The following CLASP1 variants were observed in gnomAD, a reference collection of about 807,000 sequenced individuals.
The protein encoded by CLASP1 is cytoplasmic linker associated protein 1, also known as CLIP-associating protein 1.
A neutral mutation model predicts 192.3 loss-of-function variants in CLASP1; 38 were observed. That is an observed-to-expected ratio of 0.20 (90% CI 0.15 to 0.26). The LOEUF is 0.26. Ranked by LOEUF, CLASP1 falls within the 10% of genes least tolerant of loss-of-function variation. CLASP1 has a pLI of 1.00. For synonymous variants in CLASP1, 691 were observed against 712.8 expected (o/e 0.97, Z 0.49); for missense variants, 1,433 against 1,932.5 (o/e 0.74, Z 4.85).
chr2:121,555,024 G>A (rs2058411661), intron 2 of CLASP1, among the ~76,000 whole-genome samples: 1 of 152,198 alleles, frequency 6.6e-6, no homozygotes, highest in Non-Finnish European at 1.5e-5. Context: ...ATCGGCTGTT[G>A]TGGAAGAAAG....
At chr2:121,349,065 C>T (rs886955915) in intron 37 of CLASP1, among the ~76,000 whole-genome samples, 6 of 151,972 alleles carry the variant, frequency 3.9e-5, no homozygotes, top group Non-Finnish European at 8.8e-5. Context: ...ACGGTGAGAA[C>T]CCATCTCTAC....
Position 121,503,531 on chromosome 2 carries a change from C to G in CLASP1, c.645-297G>C, listed in dbSNP as rs1030459569. Among the ~76,000 whole-genome samples the G allele has an allele frequency of 3.9e-5, 6 of 152,090 alleles. No individual in the cohort carries two copies. The East Asian group carries it at 1.2e-3, about 29-fold the overall frequency. ...GCCCTGAGAGTAGTAATCCAGAGCC[C>G]CTGCTCTCTGACATTACTGACTACT... On this transcript the variant is annotated intron_variant, in intron 7 of 39. Transcript: ENST00000263710.
chr2:121,485,518 A>G (rs768157791), intron 8 of CLASP1, among the ~76,000 whole-genome samples: 5 of 152,184 alleles, frequency 3.3e-5, no homozygotes, highest in Non-Finnish European at 5.9e-5. Context: ...TTAAGATAGA[A>G]AAGAGGGCCT....
chr2:121,626,796 T>G (rs2068456846), intron 1 of CLASP1, among the ~76,000 whole-genome samples: 1 of 152,266 alleles, frequency 6.6e-6, no homozygotes, highest in Admixed American at 6.5e-5. Flanking sequence ...AGCTCCTTCT[T>G]CTCACCAACA....
intron 9 of CLASP1, among the ~76,000 whole-genome samples, chr2:121,465,047 A>G (rs991774299): frequency 1.2e-4 from 18 of 152,126 alleles, no homozygotes; most frequent in Non-Finnish European, 2.9e-5. Flanking sequence ...TCTATGACAA[A>G]CCCACAGCCA....
intron 30 of CLASP1, among the ~76,000 whole-genome samples, chr2:121,393,385 T>C (rs1410225065): frequency 1.3e-5 from 2 of 152,218 alleles, no homozygotes; most frequent in Admixed American, 6.5e-5. Flanking sequence ...AAATGAAGGA[T>C]GAGGCAGAAC....
chr2:121,361,992 G>A (rs1170361220), intron 37 of CLASP1, among the ~76,000 whole-genome samples: 2 of 152,232 alleles, frequency 1.3e-5, no homozygotes, highest in Non-Finnish European at 2.9e-5. Flanking sequence ...GAGATTTGAA[G>A]AGGTCACATC....
At chr2:121,535,454 C>T (rs1575769673) in intron 2 of CLASP1, among the ~76,000 whole-genome samples, 1 of 151,880 alleles carries the variant, frequency 6.6e-6, no homozygotes, top group African/African-American at 2.4e-5. Flanking sequence ...CCTAAGTGCA[C>T]TGTAAATACA....
At chr2:121,464,708 T>A (rs867008699) in intron 9 of CLASP1, among the ~76,000 whole-genome samples, 1 of 152,166 alleles carries the variant, frequency 6.6e-6, no homozygotes, top group Admixed American at 6.5e-5. Flanking sequence ...GTTTTTTTCT[T>A]GTAAATTTGT....
intron 2 of CLASP1, among the ~76,000 whole-genome samples, chr2:121,595,900 C>A (rs558076553): frequency 3.9e-5 from 6 of 152,298 alleles, no homozygotes; most frequent in Admixed American, 3.9e-4. Context: ...ATTAAAAGCA[C>A]TACATGGGCT....
At chr2:121,608,849 C>T (rs761406592) in intron 1 of CLASP1, among the ~76,000 whole-genome samples, 28 of 152,134 alleles carry the variant, frequency 1.8e-4, no homozygotes, top group Admixed American at 1.8e-3. Flanking sequence ...CTTCAAGGGG[C>T]CTAAAATGAA....
At chr2:121,402,282 T>C (rs2076252302) in intron 26 of CLASP1, among the ~76,000 whole-genome samples, 1 of 152,224 alleles carries the variant, frequency 6.6e-6, no homozygotes, top group Non-Finnish European at 1.5e-5. Flanking sequence ...GAATAAAATA[T>C]ATAAAAATAT....
At chr2:121,348,861 AAC>A (rs1177580528) in intron 37 of CLASP1, 143 bp from the exon 39 acceptor site, 2 of 759,350 alleles carry the variant, frequency 2.6e-6, no homozygotes, top group Non-Finnish European at 4.1e-6. Flanking sequence ...TCAATTGTTA[AAC>A]ACAGAGTGGT....
intron 30 of CLASP1, among the ~76,000 whole-genome samples, chr2:121,388,377 C>G (rs1019148139): frequency 6.6e-6 from 1 of 152,112 alleles, no homozygotes; most frequent in Non-Finnish European, 1.5e-5. Context: ...CATGAGAAAA[C>G]GAGTATAAAT....
At chr2:121,530,395 G>A (rs2094740590) in intron 2 of CLASP1, 70 bp from the exon 3 acceptor site, 15 of 1,282,860 alleles carry the variant, frequency 1.2e-5, no homozygotes, top group Admixed American at 2.0e-5. Context: ...CACCCGCTCC[G>A]GGGAGGCCTA....
At chr2:121,491,155 T>C (rs1324842578) in intron 8 of CLASP1, among the ~76,000 whole-genome samples, 1 of 152,238 alleles carries the variant, frequency 6.6e-6, no homozygotes, top group Middle Eastern at 3.2e-3. Flanking sequence ...GTTGTTTAAG[T>C]GTAAAACCAT....
chr2:121,352,890 G>C (rs979847127), intron 37 of CLASP1, among the ~76,000 whole-genome samples: 2 of 151,968 alleles, frequency 1.3e-5, no homozygotes, highest in African/African-American at 4.8e-5. Context: ...CTGGCCTCAA[G>C]TGATCCACCC....
At chr2:121,417,367 A>G (rs1295170507) in intron 23 of CLASP1, among the ~76,000 whole-genome samples, 5 of 152,168 alleles carry the variant, frequency 3.3e-5, no homozygotes, top group Admixed American at 2.6e-4. Flanking sequence ...TTTTACTCAT[A>G]AATAGGTTGT....
At chr2:121,349,194 C>G (rs1042674763) in intron 37 of CLASP1, among the ~76,000 whole-genome samples, 5 of 151,536 alleles carry the variant, frequency 3.3e-5, no homozygotes, top group Non-Finnish European at 5.9e-5. Context: ...GAGCCAAGAT[C>G]GCGCCACCGC....
Sources: allele counts gnomAD v4.1 joint callset (sites outside exome capture counted in the v4.1 genomes callset), GRCh38; gene constraint gnomAD v4.1.1; transcripts MANE v1.5; gene names NCBI Gene and HGNC (gene_info 2026-07-23, HGNC 2026-07-21).